The following AFF3 variants were observed in gnomAD, a reference collection of about 807,000 sequenced individuals.
AFF3 encodes ALF transcription elongation factor 3, also known as AF4/FMR2 family member 3.
A neutral mutation model predicts 129.7 loss-of-function variants in AFF3; 32 were observed. That is an observed-to-expected ratio of 0.25 (90% confidence interval 0.19 to 0.33). The LOEUF is 0.33. Among genes scored for constraint, AFF3 ranks in the 10% least tolerant of loss-of-function variants. AFF3 has a pLI of 1.00. For missense variants in AFF3, 1,373 were observed against 1,592.0 expected, an observed-to-expected ratio of 0.86 and a Z score of 2.34; for synonymous variants, 644 against 635.4, an observed-to-expected ratio of 1.01 and a Z score of -0.20.
intron 7 of AFF3, among the ~76,000 whole-genome samples, chr2:99,953,171 G>A (rs1056929628): frequency 6.6e-6 from 1 of 152,162 alleles, no homozygotes; most frequent in African/African-American, 2.4e-5. Flanking sequence ...AATTCCAAAG[G>A]TATCCTCACA....
At chr2:99,916,771 T>C (rs79760412) in intron 7 of AFF3, among the ~76,000 whole-genome samples, 1,810 of 152,208 alleles carry the variant, frequency 0.012, 44 homozygotes, top group African/African-American at 0.042. Flanking sequence ...CTTCTTCAGA[T>C]GCAGCGGCCT....
chr2:99,718,838 C>T (rs541672650), intron 11 of AFF3, among the ~76,000 whole-genome samples: 1 of 151,886 alleles, frequency 6.6e-6, no homozygotes, highest in South Asian at 2.1e-4. Flanking sequence ...GCAAGCTCTG[C>T]CTCCCGGGTT....
chr2:100,021,386 A>T (rs1033070484), intron 4 of AFF3, among the ~76,000 whole-genome samples: 5 of 152,178 alleles, frequency 3.3e-5, no homozygotes, highest in Admixed American at 2.0e-4. Flanking sequence ...ACAGTATAAG[A>T]TACATTAAAA....
At chr2:100,066,730 A>T (rs897386099) in intron 4 of AFF3, among the ~76,000 whole-genome samples, 2 of 152,038 alleles carry the variant, frequency 1.3e-5, no homozygotes, top group Non-Finnish European at 2.9e-5. Flanking sequence ...CAAGAGAAAC[A>T]CTCTCTTCCA....
intron 13 of AFF3, among the ~76,000 whole-genome samples, chr2:99,637,472 G>A (rs747533463): frequency 3.2e-4 from 49 of 152,038 alleles, no homozygotes; most frequent in Non-Finnish European, 5.4e-4. Context: ...TGTTGCGTTT[G>A]GATTGCTTTT....
intron 9 of AFF3, 41 bp downstream of exon 9, chr2:99,752,180 A>G (rs756694962): frequency 1.3e-6 from 2 of 1,535,952 alleles, no homozygotes; most frequent in Non-Finnish European, 1.8e-6. Context: ...AAATGCCTGC[A>G]TGAGTGAAAC....
At chr2:99,606,915 C>CAAAAAAAAA (rs10680840) in intron 13 of AFF3, among the ~76,000 whole-genome samples, 1 of 62,184 alleles carries the variant, frequency 1.6e-5, no homozygotes, top group African/African-American at 6.7e-5. Flanking sequence ...CTCCGTCTCA[C>CAAAAAAAAA]AAAAAAAAAA....
chr2:99,573,676 G>A (rs759362265), intron 18 of AFF3, among the ~76,000 whole-genome samples: 2 of 152,116 alleles, frequency 1.3e-5, no homozygotes, highest in Non-Finnish European at 2.9e-5. Context: ...CCTTCCTCCC[G>A]GCCACATTTC....
At chr2:99,638,475 G>A (rs1182215256) in intron 13 of AFF3, among the ~76,000 whole-genome samples, 1 of 151,752 alleles carries the variant, frequency 6.6e-6, no homozygotes, top group African/African-American at 2.4e-5. Flanking sequence ...CTCTGGTGGT[G>A]CGGGTTAGTT....
chr2:99,972,466 A>G (rs543537447), intron 7 of AFF3, among the ~76,000 whole-genome samples: 1 of 152,334 alleles, frequency 6.6e-6, no homozygotes, highest in South Asian at 2.1e-4. Flanking sequence ...CGTTTAGAAA[A>G]AGACAAAGAG....
At chr2:99,974,412 T>A (rs1456045065) in intron 7 of AFF3, among the ~76,000 whole-genome samples, 1 of 152,162 alleles carries the variant, frequency 6.6e-6, no homozygotes, top group African/African-American at 2.4e-5. Flanking sequence ...GTGAGCACAG[T>A]GTTGAGCGAT....
chr2:99,879,343 C>G (rs115035096), intron 7 of AFF3, among the ~76,000 whole-genome samples: 72 of 152,280 alleles, frequency 4.7e-4, no homozygotes, highest in African/African-American at 1.3e-3. Context: ...TAAATTCTGA[C>G]TGTGAACAGG....
chr2:100,022,800 T>C (rs1423037663), intron 4 of AFF3, among the ~76,000 whole-genome samples: 1 of 152,128 alleles, frequency 6.6e-6, no homozygotes, highest in African/African-American at 2.4e-5. Context: ...CTCTGTGATA[T>C]GGAGATAAAT....
At chr2:99,833,885 A>C (rs1262115820) in intron 8 of AFF3, among the ~76,000 whole-genome samples, 4 of 152,198 alleles carry the variant, frequency 2.6e-5, no homozygotes, top group African/African-American at 7.2e-5. Flanking sequence ...AGTTAAGAGA[A>C]TTTTGCAATA....
At chr2:99,840,926 C>A (rs796591782) in intron 7 of AFF3, among the ~76,000 whole-genome samples, 10 of 152,324 alleles carry the variant, frequency 6.6e-5, no homozygotes, top group African/African-American at 2.4e-4. Context: ...TTAATCATGA[C>A]TCTTATCCTA....
In AFF3 at chr2:99,744,933, T is replaced by G. The variant is rs866827676; in HGVS notation, c.1003-793A>C. Among the ~76,000 whole-genome samples the G allele has an allele frequency of 5.9e-5, 9 of 152,348 alleles. 1 individual carries two copies. Among genetic ancestry groups the G allele is most frequent in the Middle Eastern group, 3.4e-3 (1 of 294 alleles). ...AGAATTTCTGGGTTATATAACTCTA[T>G]GTTAAACTTTTTAAGGAACTGCCAA... On this transcript the variant is annotated intron_variant, in intron 9 of 24. Coordinates refer to ENST00000672756, the MANE Select transcript of AFF3 (RefSeq NM_001386135.1).
At chr2:100,014,954 A>ATT (rs562822524) in intron 4 of AFF3, among the ~76,000 whole-genome samples, 4,813 of 121,400 alleles carry the variant, frequency 0.04, 360 homozygotes, top group African/African-American at 0.14. Context: ...CAGCCAGCTA[A>ATT]TTTTTTTTTT....
chr2:99,817,267 C>A (rs1384617230), intron 8 of AFF3, among the ~76,000 whole-genome samples: 1 of 152,182 alleles, frequency 6.6e-6, no homozygotes, highest in African/African-American at 2.4e-5. Context: ...CCCTCTCCTG[C>A]GAGCCCATGT....
At chr2:99,790,949 A>C (rs1222394064) in intron 8 of AFF3, among the ~76,000 whole-genome samples, 2 of 152,248 alleles carry the variant, frequency 1.3e-5, no homozygotes, top group African/African-American at 4.8e-5. Flanking sequence ...ATACCCATAG[A>C]ATGGAACGCT....
Sources: allele counts gnomAD v4.1 joint callset (sites outside exome capture counted in the v4.1 genomes callset), GRCh38; gene constraint gnomAD v4.1.1; transcripts MANE v1.5; gene names NCBI Gene and HGNC (gene_info 2026-07-23, HGNC 2026-07-21).